MACROD2: variants seen among roughly 807,000 people sequenced by gnomAD.
MACROD2 encodes ADP-ribose glycohydrolase MACROD2.
Under a neutral mutation model 70.4 loss-of-function variants are expected in MACROD2, and 36 were observed. The observed-to-expected ratio is 0.51, with a 90% CI of 0.39 to 0.68. The LOEUF (loss-of-function observed/expected upper bound fraction) is 0.68. Among genes scored for constraint, MACROD2 ranks in the 30% least tolerant of loss-of-function variants. MACROD2 has a pLI of 0.00. For missense variants in MACROD2, 496 were observed against 538.4 expected (o/e 0.92, Z 0.78); for synonymous variants, 172 against 178.8 (o/e 0.96, Z 0.30).
intron 3 of MACROD2, among the ~76,000 whole-genome samples, chr20:14,307,020 C>G (rs2082526395): frequency 7.4e-6 from 1 of 134,518 alleles, no homozygotes; most frequent in Admixed American, 7.3e-5. Context: ...TAAACACACA[C>G]ACACACACAC....
intron 3 of MACROD2, among the ~76,000 whole-genome samples, chr20:14,425,908 A>G (rs1228694884): frequency 6.6e-6 from 1 of 152,176 alleles, no homozygotes; most frequent in African/African-American, 2.4e-5. Context: ...ATCTGAAAAT[A>G]TACCTTTTAC....
chr20:15,140,804 C>T (rs1316655219), intron 5 of MACROD2, among the ~76,000 whole-genome samples: 1 of 152,132 alleles, frequency 6.6e-6, no homozygotes, highest in Non-Finnish European at 1.5e-5. Flanking sequence ...TGAAATATAT[C>T]ACACTCTCCC....
chr20:15,286,979 T>C (rs2077497733), intron 6 of MACROD2, among the ~76,000 whole-genome samples: 1 of 152,188 alleles, frequency 6.6e-6, no homozygotes, highest in Non-Finnish European at 1.5e-5. Flanking sequence ...AAAGAGACGC[T>C]ACACTGCATT....
chr20:15,144,256 A>G (rs549222105), intron 5 of MACROD2, among the ~76,000 whole-genome samples: 7 of 152,290 alleles, frequency 4.6e-5, no homozygotes, highest in Non-Finnish European at 1.0e-4. Flanking sequence ...CTGGCCTACA[A>G]TTCAAATTAA....
At chr20:14,214,313 A>G (rs1348925668) in intron 3 of MACROD2, among the ~76,000 whole-genome samples, 1 of 152,146 alleles carries the variant, frequency 6.6e-6, no homozygotes, top group Non-Finnish European at 1.5e-5. Context: ...AAACAAAAAC[A>G]GAGAGACCAT....
At chr20:14,589,100 A>G (rs992850911) in intron 4 of MACROD2, among the ~76,000 whole-genome samples, 3 of 152,152 alleles carry the variant, frequency 2.0e-5, no homozygotes, top group Admixed American at 1.3e-4. Context: ...ATTCTAACAC[A>G]TGATGTTTAA....
intron 10 of MACROD2, among the ~76,000 whole-genome samples, chr20:15,888,320 A>G (rs756834517): frequency 2.6e-4 from 39 of 152,180 alleles, no homozygotes; most frequent in Non-Finnish European, 1.8e-4. Context: ...CTCTGTCTTG[A>G]ATTAACTTTC....
intron 5 of MACROD2, chr20:14,934,788 A>G (rs2074326416): frequency 6.6e-6 from 1 of 152,162 alleles, no homozygotes; most frequent in South Asian, 2.1e-4. Flanking sequence ...TCTGTCTCCA[A>G]AAAACAAGAT....
intron 6 of MACROD2, among the ~76,000 whole-genome samples, chr20:15,250,609 T>A (rs2077146930): frequency 6.6e-6 from 1 of 152,206 alleles, no homozygotes; most frequent in Non-Finnish European, 1.5e-5. Flanking sequence ...TTTCAACATT[T>A]TATGTTGTGA....
intron 5 of MACROD2, chr20:14,934,078 C>T (rs1406948078): frequency 6.6e-6 from 1 of 152,164 alleles, no homozygotes; most frequent in East Asian, 1.9e-4. Context: ...GCCATCTGGC[C>T]CTCAGAGTTC....
intron 4 of MACROD2, among the ~76,000 whole-genome samples, chr20:14,541,727 G>A (rs2085435688): frequency 1.3e-5 from 2 of 152,082 alleles, no homozygotes. Context: ...TGTTTCCTGA[G>A]GAGAAAGAGA....
intron 3 of MACROD2, among the ~76,000 whole-genome samples, chr20:14,348,702 A>G (rs2122686844): frequency 6.6e-6 from 1 of 152,346 alleles, no homozygotes; most frequent in African/African-American, 2.4e-5. Flanking sequence ...ATTAAAAAAT[A>G]AATGAATATT....
rs540663984 is a variant in MACROD2, at chr20:14,522,112, T to G, written c.301+28604T>G. Among the ~76,000 whole-genome samples the G allele has an allele frequency of 7.3e-4, 111 of 152,308 alleles. 1 individual carries two copies. The highest frequency in any genetic ancestry group is 1.5e-3 in the Non-Finnish European group (99 of 68,028). On this transcript the variant is annotated intron_variant, in intron 4 of 17. Coordinates refer to ENST00000684519, the MANE Select transcript of MACROD2 (RefSeq NM_001351661.2). Reference sequence around the variant, plus strand: ...TGCTCTGAGTTCTAATCCGAGCAGCTCTTCTTCTGTCTGGTTTACATATTC... The same window carrying G: ...TGCTCTGAGTTCTAATCCGAGCAGCGCTTCTTCTGTCTGGTTTACATATTC...
At chr20:14,152,623 T>TGCTACGTTGGCCAGGCGGGTTTC (rs2055040754) in intron 3 of MACROD2, among the ~76,000 whole-genome samples, 1 of 152,002 alleles carries the variant, frequency 6.6e-6, no homozygotes, top group Non-Finnish European at 1.5e-5. Flanking sequence ...GATGGGGTTT[T>TGCTACGTTGGCCAGGCGGGTTTC]GCTACGTTGG....
At chr20:15,772,101 A>T (rs13037256) in intron 8 of MACROD2, among the ~76,000 whole-genome samples, 3,390 of 90,822 alleles carry the variant, frequency 0.037, 86 homozygotes, top group East Asian at 0.07. Flanking sequence ...AAAAAAAAAA[A>T]ATATATATAT....
At chr20:15,606,237 A>G (rs543583065) in intron 8 of MACROD2, among the ~76,000 whole-genome samples, 2 of 152,266 alleles carry the variant, frequency 1.3e-5, no homozygotes, top group Non-Finnish European at 2.9e-5. Context: ...TTAGCAGAAC[A>G]TATAAGAATT....
intron 5 of MACROD2, among the ~76,000 whole-genome samples, chr20:14,861,392 A>G (rs1026911877): frequency 6.6e-6 from 1 of 152,058 alleles, no homozygotes; most frequent in Non-Finnish European, 1.5e-5. Context: ...TGACGTAATG[A>G]CTTTTTTTTG....
intron 7 of MACROD2, among the ~76,000 whole-genome samples, chr20:15,480,433 G>T (rs756366827): frequency 6.6e-6 from 1 of 152,162 alleles, no homozygotes; most frequent in Admixed American, 6.5e-5. Flanking sequence ...TAGGAACTAG[G>T]TCTAAAGTAA....
intron 8 of MACROD2, among the ~76,000 whole-genome samples, chr20:15,861,492 G>A (rs1332330494): frequency 6.6e-6 from 1 of 152,114 alleles, no homozygotes; most frequent in Non-Finnish European, 1.5e-5. Context: ...TTGTACTCTA[G>A]TTGTTCCATT....
Sources: allele counts gnomAD v4.1 joint callset (sites outside exome capture counted in the v4.1 genomes callset), GRCh38; gene constraint gnomAD v4.1.1; transcripts MANE v1.5; gene names NCBI Gene and HGNC (gene_info 2026-07-23, HGNC 2026-07-21).